The following PTPRD variants were observed in gnomAD, a reference collection of about 807,000 sequenced individuals.
The protein encoded by PTPRD is protein tyrosine phosphatase receptor type D, also known as receptor-type tyrosine-protein phosphatase delta.
PTPRD carries 34 observed loss-of-function variants against 214.5 expected under a neutral mutation model. The observed-to-expected ratio is 0.16, with a 90% CI of 0.12 to 0.21. The LOEUF is 0.21. Ranked by LOEUF, PTPRD falls within the 10% of genes least tolerant of loss-of-function variation. The pLI, the probability that PTPRD is intolerant of heterozygous loss-of-function variation, is 1.00. For missense variants in PTPRD, 2,545 were observed against 2,398.7 expected, an observed-to-expected ratio of 1.06 and a Z score of -1.27; for synonymous variants, 1,128 against 845.7, an observed-to-expected ratio of 1.33 and a Z score of -5.79.
chr9:8,590,292 G>A (rs188352731), intron 14 of PTPRD, among the ~76,000 whole-genome samples: 1 of 152,218 alleles, frequency 6.6e-6, no homozygotes, highest in East Asian at 1.9e-4. Context: ...GGTAATATAA[G>A]TGTGGATATC....
At chr9:8,596,078 C>T (rs2094459359) in intron 14 of PTPRD, among the ~76,000 whole-genome samples, 1 of 152,148 alleles carries the variant, frequency 6.6e-6, no homozygotes, top group Admixed American at 6.5e-5. Context: ...TTATCTTTTT[C>T]ACAAAAGTAA....
intron 5 of PTPRD, among the ~76,000 whole-genome samples, chr9:9,842,742 T>G (rs1474256746): frequency 6.6e-6 from 1 of 152,008 alleles, no homozygotes; most frequent in Non-Finnish European, 1.5e-5. Flanking sequence ...TCATCAGTGT[T>G]GTGCTTCATA....
chr9:8,627,858 A>G (rs551758448), intron 14 of PTPRD, among the ~76,000 whole-genome samples: 1 of 151,972 alleles, frequency 6.6e-6, no homozygotes, highest in East Asian at 1.9e-4. Flanking sequence ...AGATTACACC[A>G]ACGAAAGTCA....
chr9:9,742,822 T>C (rs774207829), intron 6 of PTPRD, among the ~76,000 whole-genome samples: 23 of 152,204 alleles, frequency 1.5e-4, no homozygotes, highest in Non-Finnish European at 2.6e-4. Flanking sequence ...AAATGACATA[T>C]CTGTGGGATT....
At chr9:8,509,129 C>T (rs2097612042) in intron 21 of PTPRD, among the ~76,000 whole-genome samples, 1 of 151,852 alleles carries the variant, frequency 6.6e-6, no homozygotes, top group Admixed American at 6.6e-5. Context: ...GGTGACCTAA[C>T]ACAATCATTT....
At chr9:10,371,825 T>C (rs2097628438) in intron 2 of PTPRD, among the ~76,000 whole-genome samples, 1 of 152,148 alleles carries the variant, frequency 6.6e-6, no homozygotes, top group African/African-American at 2.4e-5. Context: ...GCATATGGTG[T>C]ATGTCTCAGA....
chr9:8,481,659 C>T (rs765007592), intron 30 of PTPRD, among the ~76,000 whole-genome samples: 4 of 152,082 alleles, frequency 2.6e-5, no homozygotes, highest in Admixed American at 6.6e-5. Flanking sequence ...TTCCTATTAA[C>T]GGAGACCTTT....
chr9:10,087,811 T>C (rs1015806688), intron 3 of PTPRD, among the ~76,000 whole-genome samples: 3 of 151,688 alleles, frequency 2.0e-5, no homozygotes, highest in Non-Finnish European at 3.0e-5. Context: ...TGAGGGAAAA[T>C]AGAAAGTATC....
chr9:8,330,262 T>C (rs1055949193), intron 44 of PTPRD, among the ~76,000 whole-genome samples: 11 of 152,194 alleles, frequency 7.2e-5, no homozygotes, highest in African/African-American at 2.7e-4. Flanking sequence ...TCCCCTGCCT[T>C]CTGTGTCAAT....
intron 7 of PTPRD, among the ~76,000 whole-genome samples, chr9:9,602,009 G>A (rs1214831851): frequency 1.3e-5 from 2 of 151,998 alleles, no homozygotes; most frequent in African/African-American, 4.8e-5. Context: ...AGATTTGTGT[G>A]TATGCATATG....
intron 11 of PTPRD, among the ~76,000 whole-genome samples, chr9:8,937,783 T>C (rs1356677832): frequency 6.6e-6 from 1 of 152,210 alleles, no homozygotes; most frequent in Admixed American, 6.5e-5. Context: ...TTCTATCCAT[T>C]ATTATTTTAG....
intron 14 of PTPRD, among the ~76,000 whole-genome samples, chr9:8,573,618 T>C (rs2091709948): frequency 6.6e-6 from 1 of 151,950 alleles, no homozygotes. Context: ...CTATTAAGCA[T>C]ATCTCTAATG....
chr9:8,489,320 G>A (rs981914853), intron 27 of PTPRD, among the ~76,000 whole-genome samples: 10 of 152,268 alleles, frequency 6.6e-5, no homozygotes, highest in Admixed American at 2.0e-4. Flanking sequence ...TAGGAATCAC[G>A]AGATCAAAGT....
At chr9:8,991,544 T>C (rs1039546970) in intron 11 of PTPRD, among the ~76,000 whole-genome samples, 2 of 152,150 alleles carry the variant, frequency 1.3e-5, no homozygotes, top group Non-Finnish European at 2.9e-5. Context: ...CTTGTGTATC[T>C]ACATATTCCT....
At chr9:10,080,315 G>C (rs1049042616) in intron 3 of PTPRD, among the ~76,000 whole-genome samples, 2 of 152,120 alleles carry the variant, frequency 1.3e-5, no homozygotes, top group African/African-American at 4.8e-5. Flanking sequence ...AATTTCACCA[G>C]AGGACAAAAT....
intron 39 of PTPRD, among the ~76,000 whole-genome samples, chr9:8,358,776 A>G (rs2077595055): frequency 6.6e-6 from 1 of 152,084 alleles, no homozygotes; most frequent in East Asian, 1.9e-4. Context: ...TATGAAACCA[A>G]TATTTAACTT....
chr9:9,081,191 T>G (rs1304727699), intron 10 of PTPRD, among the ~76,000 whole-genome samples: 2 of 152,124 alleles, frequency 1.3e-5, no homozygotes, highest in African/African-American at 4.8e-5. Context: ...TCTGGTACAT[T>G]GTATGTTTGT....
chr9:10,018,797 C>T (rs2096782263), intron 4 of PTPRD, among the ~76,000 whole-genome samples: 1 of 151,844 alleles, frequency 6.6e-6, no homozygotes, highest in South Asian at 2.1e-4. Context: ...GATCCGCCCG[C>T]CTCGGCCTCC....
intron 9 of PTPRD, among the ~76,000 whole-genome samples, chr9:9,304,176 A>G (rs1956359994): frequency 6.6e-6 from 1 of 152,130 alleles, no homozygotes; most frequent in Admixed American, 6.6e-5. Context: ...AGTTCCCTCA[A>G]CAATAGATTT....
Sources: allele counts gnomAD v4.1 joint callset (sites outside exome capture counted in the v4.1 genomes callset), GRCh38; gene constraint gnomAD v4.1.1; transcripts MANE v1.5; gene names NCBI Gene and HGNC (gene_info 2026-07-23, HGNC 2026-07-21).